NEGR1: variants seen among roughly 807,000 people sequenced by gnomAD.
NEGR1 encodes IgLON family member 4.
NEGR1 carries 10 observed loss-of-function variants against 40.9 expected under a neutral mutation model. The observed-to-expected ratio is 0.24, with a 90% CI of 0.15 to 0.42. The LOEUF is 0.42. Ranked by LOEUF, NEGR1 falls within the 10% of genes least tolerant of loss-of-function variation. The pLI, the probability that NEGR1 is intolerant of heterozygous loss-of-function variation, is 1.00. For synonymous variants in NEGR1, 185 were observed against 166.8 expected, an observed-to-expected ratio of 1.11 and a Z score of -0.84; for missense variants, 352 against 438.9, an observed-to-expected ratio of 0.80 and a Z score of 1.77.
intron 6 of NEGR1, among the ~76,000 whole-genome samples, chr1:71,471,440 G>A (rs1374680764): frequency 6.6e-6 from 1 of 152,050 alleles, no homozygotes; most frequent in Non-Finnish European, 1.5e-5. Context: ...GAGGTTGGGA[G>A]TTCAAAACTA....
Position 71,496,421 on chromosome 1 carries a change from C to T in NEGR1, c.941-88851G>A, listed in dbSNP as rs1215371429. 2.0e-5 allele frequency among the ~76,000 whole-genome samples: 3 copies of T among 151,942 alleles called. No individual in the cohort carries two copies. In the East Asian group the frequency reaches 5.8e-4, roughly 29 times the overall value. Reference sequence around the variant, plus strand: ...TTGATTCTTGGCTTGAGTATAGCAGCAGGTGGTAAAAAAAGGGGATAGAAA... The same window carrying T: ...TTGATTCTTGGCTTGAGTATAGCAGTAGGTGGTAAAAAAAGGGGATAGAAA... On this transcript the variant is annotated intron_variant, in intron 6 of 6. Coordinates refer to ENST00000357731, the MANE Select transcript of NEGR1 (RefSeq NM_173808.3).
At chr1:72,135,367 C>G (rs1437463250) in intron 1 of NEGR1, among the ~76,000 whole-genome samples, 1 of 99,300 alleles carries the variant, frequency 1.0e-5, no homozygotes, top group African/African-American at 4.1e-5. Flanking sequence ...CAGAGCGAGA[C>G]TCCGTCTCAA....
intron 1 of NEGR1, among the ~76,000 whole-genome samples, chr1:72,154,348 C>A (rs1040091372): frequency 2.6e-5 from 4 of 151,930 alleles, no homozygotes; most frequent in Admixed American, 1.3e-4. Context: ...TTATTCTGGT[C>A]TCTGGTCCAT....
At chr1:71,554,699 A>G (rs1352973031) in intron 6 of NEGR1, among the ~76,000 whole-genome samples, 6 of 151,576 alleles carry the variant, frequency 4.0e-5, no homozygotes, top group Non-Finnish European at 7.4e-5. Context: ...TGGACATTCT[A>G]GAATAAAAAC....
intron 6 of NEGR1, among the ~76,000 whole-genome samples, chr1:71,426,191 A>G (rs1280725163): frequency 6.6e-6 from 1 of 152,214 alleles, no homozygotes; most frequent in Non-Finnish European, 1.5e-5. Flanking sequence ...TTTTATATAC[A>G]AAAAGTAAAG....
intron 6 of NEGR1, among the ~76,000 whole-genome samples, chr1:71,559,918 C>G (rs1350418511): frequency 6.6e-6 from 1 of 151,268 alleles, no homozygotes; most frequent in Non-Finnish European, 1.5e-5. Context: ...TAGTTTGGAC[C>G]TGCTTTTTCA....
At chr1:71,808,554 G>A (rs1164666747) in intron 2 of NEGR1, among the ~76,000 whole-genome samples, 1 of 152,212 alleles carries the variant, frequency 6.6e-6, no homozygotes, top group South Asian at 2.1e-4. Context: ...CACACATGCA[G>A]CTCAAAAGAG....
At chr1:71,446,631 T>A (rs2101321634) in intron 6 of NEGR1, among the ~76,000 whole-genome samples, 1 of 152,352 alleles carries the variant, frequency 6.6e-6, no homozygotes, top group Middle Eastern at 3.4e-3. Flanking sequence ...GTGTATGCTG[T>A]GTATGTTCAT....
intron 1 of NEGR1, among the ~76,000 whole-genome samples, chr1:72,083,963 A>G (rs144455289): frequency 6.6e-6 from 1 of 152,264 alleles, no homozygotes; most frequent in East Asian, 1.9e-4. Context: ...GACAATGTAC[A>G]ATAACCTGCA....
chr1:71,491,861 G>C (rs1646931338), intron 6 of NEGR1, among the ~76,000 whole-genome samples: 1 of 152,086 alleles, frequency 6.6e-6, no homozygotes, highest in African/African-American at 2.4e-5. Context: ...GTTTTTGAAT[G>C]TACGTGTCCC....
At chr1:71,699,261 A>G (rs1362580292) in intron 3 of NEGR1, among the ~76,000 whole-genome samples, 1 of 151,948 alleles carries the variant, frequency 6.6e-6, no homozygotes, top group Non-Finnish European at 1.5e-5. Flanking sequence ...TCCAAATCTA[A>G]AGTCCATCCC....
intron 2 of NEGR1, among the ~76,000 whole-genome samples, chr1:71,864,268 A>G (rs1261624096): frequency 1.3e-5 from 2 of 152,144 alleles, no homozygotes; most frequent in East Asian, 3.9e-4. Flanking sequence ...TGGAGCACAC[A>G]GGCATGCAGT....
chr1:71,715,982 C>G (rs1404157977), intron 3 of NEGR1, among the ~76,000 whole-genome samples: 1 of 152,134 alleles, frequency 6.6e-6, no homozygotes, highest in East Asian at 1.9e-4. Flanking sequence ...TTAGACCGTT[C>G]TCATGCTGTT....
chr1:71,846,093 C>A (rs1021648353), intron 2 of NEGR1, among the ~76,000 whole-genome samples: 10 of 151,904 alleles, frequency 6.6e-5, no homozygotes, highest in African/African-American at 2.4e-4. Context: ...TGTGGTCTGA[C>A]CCCAGGGCCT....
intron 1 of NEGR1, among the ~76,000 whole-genome samples, chr1:72,175,118 T>C (rs1271149758): frequency 5.9e-5 from 9 of 151,694 alleles, no homozygotes; most frequent in Admixed American, 2.6e-4. Context: ...CCCTCCCCCC[T>C]TCCCCCGATA....
At chr1:72,260,597 T>A (rs1040423118) in intron 1 of NEGR1, among the ~76,000 whole-genome samples, 2 of 152,082 alleles carry the variant, frequency 1.3e-5, no homozygotes, top group South Asian at 4.1e-4. Context: ...GAGATGACAC[T>A]ACACATAAGT....
At chr1:71,784,127 A>G (rs1656820714) in intron 2 of NEGR1, among the ~76,000 whole-genome samples, 1 of 152,290 alleles carries the variant, frequency 6.6e-6, no homozygotes, top group Non-Finnish European at 1.5e-5. Context: ...GGTTTAAAAC[A>G]GTAGTTTCCC....
chr1:71,488,781 T>C (rs1348909848), intron 6 of NEGR1, among the ~76,000 whole-genome samples: 1 of 151,632 alleles, frequency 6.6e-6, no homozygotes, highest in Non-Finnish European at 1.5e-5. Flanking sequence ...GGACTGTCTG[T>C]TTCCTGCAAC....
intron 2 of NEGR1, among the ~76,000 whole-genome samples, chr1:71,927,504 G>A (rs558904612): frequency 1.3e-5 from 2 of 152,158 alleles, no homozygotes; most frequent in Admixed American, 6.5e-5. Flanking sequence ...AAATAATCTT[G>A]CTAAAGTCTA....
Sources: allele counts gnomAD v4.1 joint callset (sites outside exome capture counted in the v4.1 genomes callset), GRCh38; gene constraint gnomAD v4.1.1; transcripts MANE v1.5; gene names NCBI Gene and HGNC (gene_info 2026-07-23, HGNC 2026-07-21).